Variants in ST6GALNAC5 observed in about 807,000 individuals in gnomAD.
The protein encoded by ST6GALNAC5 is ST6 N-acetylgalactosaminide alpha-2,6-sialyltransferase 5.
In ST6GALNAC5, 27 loss-of-function variants were observed where a neutral mutation model predicts 33.6. That is an observed-to-expected ratio of 0.80 (90% confidence interval 0.59 to 1.11). The LOEUF (loss-of-function observed/expected upper bound fraction) is 1.11, where lower values mean the gene tolerates loss of function less well. ST6GALNAC5 is among the 50% of genes least tolerant of loss of function. ST6GALNAC5 has a pLI of 0.00. For synonymous variants in ST6GALNAC5, 194 were observed against 171.2 expected (o/e 1.13, Z -1.04); for missense variants, 428 against 454.0 (o/e 0.94, Z 0.52).
At chr1:76,933,807 A>G (rs2100313908) in intron 2 of ST6GALNAC5, among the ~76,000 whole-genome samples, 1 of 151,496 alleles carries the variant, frequency 6.6e-6, no homozygotes, top group East Asian at 1.9e-4. Flanking sequence ...AAGGAAAACA[A>G]GAGGGCAGGA....
intron 2 of ST6GALNAC5, among the ~76,000 whole-genome samples, chr1:77,026,398 G>C (rs1318983906): frequency 6.6e-6 from 1 of 152,172 alleles, no homozygotes; most frequent in African/African-American, 2.4e-5. Context: ...CTTCTAAAAG[G>C]CACACACATG....
chr1:77,037,616 G>A (rs566815005), intron 2 of ST6GALNAC5, among the ~76,000 whole-genome samples: 2 of 151,986 alleles, frequency 1.3e-5, no homozygotes, highest in East Asian at 3.9e-4. Flanking sequence ...TATTCCAAAA[G>A]CAATAAGAAG....
chr1:76,979,436 A>G (rs1353228511), intron 2 of ST6GALNAC5, among the ~76,000 whole-genome samples: 2 of 152,228 alleles, frequency 1.3e-5, no homozygotes, highest in Admixed American at 1.3e-4. Flanking sequence ...AGACATATAG[A>G]ATAATGAAAC....
At chr1:76,916,711 C>T (rs1221946582) in intron 2 of ST6GALNAC5, among the ~76,000 whole-genome samples, 2 of 145,266 alleles carry the variant, frequency 1.4e-5, no homozygotes, top group Non-Finnish European at 3.0e-5. Context: ...TAAAAAAAAA[C>T]GATTGTGTTT....
intron 2 of ST6GALNAC5, among the ~76,000 whole-genome samples, chr1:77,036,991 G>C (rs995166488): frequency 6.6e-6 from 1 of 152,166 alleles, no homozygotes; most frequent in Non-Finnish European, 1.5e-5. Flanking sequence ...GAGGTAACAC[G>C]TGGAAAAGTC....
chr1:77,029,162 G>A (rs1557767122), intron 2 of ST6GALNAC5, among the ~76,000 whole-genome samples: 1 of 152,188 alleles, frequency 6.6e-6, no homozygotes, highest in Non-Finnish European at 1.5e-5. Flanking sequence ...GATCAGAACT[G>A]TATTTTAGAA....
chr1:77,016,142 C>CT (rs1180590812), intron 2 of ST6GALNAC5, among the ~76,000 whole-genome samples: 12 of 111,920 alleles, frequency 1.1e-4, no homozygotes, highest in African/African-American at 3.2e-4. Flanking sequence ...TCTCCTCCCT[C>CT]CCCTCCTGTA....
chr1:77,005,566 C>G (rs1185224429), intron 2 of ST6GALNAC5, among the ~76,000 whole-genome samples: 3 of 152,206 alleles, frequency 2.0e-5, no homozygotes, highest in African/African-American at 7.2e-5. Context: ...TAAAATGTAT[C>G]ACTTTAATTG....
At chr1:76,912,600 G>T (rs896380981) in intron 2 of ST6GALNAC5, among the ~76,000 whole-genome samples, 43 of 151,120 alleles carry the variant, frequency 2.8e-4, no homozygotes, top group Non-Finnish European at 4.9e-4. Context: ...TTATGAATCT[G>T]GGTGTTCCTG....
chr1:76,883,784 T>C (rs1653836399), intron 2 of ST6GALNAC5, among the ~76,000 whole-genome samples: 1 of 152,180 alleles, frequency 6.6e-6, no homozygotes, highest in African/African-American at 2.4e-5. Flanking sequence ...TTAAATAATA[T>C]TGTGTTTCTA....
intron 2 of ST6GALNAC5, among the ~76,000 whole-genome samples, chr1:76,966,873 G>C (rs1264781562): frequency 7.2e-5 from 11 of 152,192 alleles, no homozygotes; most frequent in Non-Finnish European, 2.9e-5. Flanking sequence ...TTCTGTCATT[G>C]GTTCTGTTTA....
intron 2 of ST6GALNAC5, among the ~76,000 whole-genome samples, chr1:76,936,253 A>C (rs1264930331): frequency 6.6e-6 from 1 of 152,074 alleles, no homozygotes; most frequent in African/African-American, 2.4e-5. Context: ...GCATTTTTAC[A>C]TTCATTTGAA....
rs1651922970 is a variant in ST6GALNAC5, at chr1:77,044,147, C to T, written c.262-57C>T. The T allele has an allele frequency of 2.6e-6, 4 of 1,516,932 alleles. No homozygotes were observed. In the Admixed American group the frequency reaches 6.3e-5, roughly 24 times the overall value. The allele number at this position is 1,516,932 out of a possible 1,614,324, so 94.0% of individuals were successfully genotyped here. On this transcript the variant is annotated intron_variant, in intron 2 of 4. Coordinates refer to ENST00000477717, the MANE Select transcript of ST6GALNAC5 (RefSeq NM_030965.3). ...AAGGCAGGGAAGTAGCCTGCTGGTG[C>T]TGAGTGAGGGTTAAGCCCTTTGCCC...
At chr1:76,956,217 C>T (rs1208366992) in intron 2 of ST6GALNAC5, among the ~76,000 whole-genome samples, 3 of 151,738 alleles carry the variant, frequency 2.0e-5, no homozygotes, top group Non-Finnish European at 4.4e-5. Context: ...CTACTTATGC[C>T]TCTACAGCAC....
At chr1:76,886,584 A>T (rs747986614) in intron 2 of ST6GALNAC5, among the ~76,000 whole-genome samples, 3 of 152,182 alleles carry the variant, frequency 2.0e-5, no homozygotes, top group Non-Finnish European at 4.4e-5. Context: ...TTATAAAATC[A>T]ACTATTTCAT....
At chr1:77,004,489 C>T (rs1275034308) in intron 2 of ST6GALNAC5, among the ~76,000 whole-genome samples, 26 of 142,386 alleles carry the variant, frequency 1.8e-4, no homozygotes, top group African/African-American at 5.0e-4. Flanking sequence ...CTTCTCTCAG[C>T]TCGTCAAAGT....
chr1:76,971,263 T>G (rs1432639875), intron 2 of ST6GALNAC5, among the ~76,000 whole-genome samples: 1 of 152,142 alleles, frequency 6.6e-6, no homozygotes, highest in Non-Finnish European at 1.5e-5. Flanking sequence ...GATGTCTTAT[T>G]TAAGGGGAAT....
chr1:76,948,018 CAAAT>C (rs1401860899), intron 2 of ST6GALNAC5, among the ~76,000 whole-genome samples: 1 of 152,096 alleles, frequency 6.6e-6, no homozygotes, highest in East Asian at 1.9e-4. Context: ...GTTTCAGTAA[CAAAT>C]AAACCCCAAA....
At chr1:76,938,276 A>G (rs1146671) in intron 2 of ST6GALNAC5, among the ~76,000 whole-genome samples, 87,371 of 151,900 alleles carry the variant, frequency 0.58, 25,378 homozygotes, top group South Asian at 0.62. Context: ...AGAAAGGAAT[A>G]TGCTCCACTC....
Sources: allele counts gnomAD v4.1 joint callset (sites outside exome capture counted in the v4.1 genomes callset), GRCh38; gene constraint gnomAD v4.1.1; transcripts MANE v1.5; gene names NCBI Gene and HGNC (gene_info 2026-07-23, HGNC 2026-07-21).